TRIM52: variants seen among roughly 807,000 people sequenced by gnomAD.
The protein encoded by TRIM52 is tripartite motif containing 52, also known as E3 ubiquitin-protein ligase TRIM52.
A neutral mutation model predicts 27.0 loss-of-function variants in TRIM52; 24 were observed. The observed-to-expected ratio is 0.89, with a 90% CI of 0.64 to 1.25. The LOEUF (loss-of-function observed/expected upper bound fraction) is 1.25, where lower values mean the gene tolerates loss of function less well. Among genes scored for constraint, TRIM52 ranks in the 50% most tolerant of loss-of-function variants. The pLI, the probability that TRIM52 is intolerant of heterozygous loss-of-function variation, is 0.00. For synonymous variants in TRIM52, 125 were observed against 126.5 expected, an observed-to-expected ratio of 0.99 and a Z score of 0.08; for missense variants, 351 against 354.7, an observed-to-expected ratio of 0.99 and a Z score of 0.08.
intron 1 of TRIM52, chr5:181,257,354 T>A: frequency 6.6e-7 from 1 of 1,521,230 alleles, no homozygotes; most frequent in Non-Finnish European, 8.9e-7. Context: ...GAAATAGCTA[T>A]ATAAATGGAA....
In TRIM52 at chr5:181,260,773, A is replaced by ATGGGGTCTGCATG. The variant is rs745819445; in HGVS notation, c.40_41insCATGCAGACCCCA (p.Leu14ProfsTer41). 1.2e-6 allele frequency: 2 copies of ATGGGGTCTGCATG among 1,611,306 alleles called. No homozygotes were observed. Among genetic ancestry groups the ATGGGGTCTGCATG allele is most frequent in the South Asian group, 2.2e-5 (2 of 90,816 alleles). On this transcript the variant is annotated frameshift_variant, in exon 1 of 2. Coordinates refer to ENST00000688015, the MANE Select transcript of TRIM52 (RefSeq NM_001346048.2). LOFTEE classifies it high-confidence loss of function. This position sits in a 1 kb window ranked among gnomAD's most constrained non-coding sequence, Gnocchi z 4.4. ...GATGGCACACACCGCTTCCTCCTGA[A>ATGGGGTCTGCATG]GGGTCTGCATGGGGCTGGGAGTAGT...
rs1169374197 is a variant in TRIM52, at chr5:181,257,525, A to G, written c.814-666T>C. 4 of 1,572,558 alleles carry G rather than the reference A, an allele frequency of 2.5e-6. No homozygotes were observed. The Admixed American group carries it at 6.8e-5, about 27-fold the overall frequency. On this transcript the variant is annotated intron_variant, in intron 1 of 1. Transcript: ENST00000688015. ...TTATGAAAAATGAAGTTTTTTTAAC[A>G]TTGTAACAAAGTATATGAAAGATAA...
chr5:181,256,934 A>G (rs1215670116), intron 1 of TRIM52, 75 bp from the exon 2 acceptor site: 1 of 985,726 alleles, frequency 1.0e-6, no homozygotes, highest in African/African-American at 1.7e-5. Flanking sequence ...AGCTACCTCA[A>G]AGGAGATAAC....
intron 1 of TRIM52, chr5:181,257,276 CTTA>C: frequency 1.5e-6 from 2 of 1,298,126 alleles, no homozygotes; most frequent in Non-Finnish European, 2.0e-6. Context: ...AAAGCCTCTT[CTTA>C]CAGAAAATCA....
In TRIM52 at chr5:181,260,402, C is replaced by T; in HGVS notation, c.412G>A (p.Gly138Ser). 4 of 1,609,878 alleles carry T rather than the reference C, an allele frequency of 2.5e-6. No individual in the cohort carries two copies. The highest frequency in any genetic ancestry group is 3.4e-6 in the Non-Finnish European group (4 of 1,179,748). ...EEEDQDYYLG[G>S]LRPDLRIDVY... ...TCAATTCTCAGGTCAGGTCTCAAGC[C>T]TCCTAGGTAATAGTCCTGATCTTCC... Residue 138 changes from glycine to serine, a missense_variant, in exon 1 of 2, where the codon GGC becomes AGC. By Grantham distance (56) the Gly-to-Ser change is moderately conservative. Transcript: ENST00000688015. This position sits in a 1 kb window ranked among gnomAD's most constrained non-coding sequence, Gnocchi z 4.4.
At chr5:181,259,851 ATCTC>A (rs1197263758) in intron 1 of TRIM52, 146 bp downstream of exon 1, 1 of 1,515,508 alleles carries the variant, frequency 6.6e-7, no homozygotes, top group East Asian at 2.3e-5. Context: ...CCATATGACC[ATCTC>A]TCTCCACCGT....
downstream of TRIM52, among the ~76,000 whole-genome samples, chr5:181,251,614 C>T (rs1453051545): frequency 1.3e-5 from 2 of 152,314 alleles, no homozygotes; most frequent in African/African-American, 2.4e-5. Context: ...ATAGCAGGAA[C>T]CTTGCTGCAT....
chr5:181,249,383 C>T (rs958895240), downstream of TRIM52, among the ~76,000 whole-genome samples: 10 of 152,096 alleles, frequency 6.6e-5, no homozygotes, highest in African/African-American at 2.4e-4. Flanking sequence ...TAGAATTGGC[C>T]TCTGTATATA....
In TRIM52 at chr5:181,260,188, C is replaced by A. The variant is rs370667838; in HGVS notation, c.626G>T (p.Arg209Leu). 34 of 1,614,062 alleles carry A rather than the reference C, an allele frequency of 2.1e-5. No homozygotes were observed. Among genetic ancestry groups the A allele is most frequent in the Non-Finnish European group, 2.8e-5 (33 of 1,180,040 alleles). ...CCGATAAGGAGTGGGGCACATCTGG[C>A]GAATTATCTGGACCATGTTGGCCAG... The part of the protein sequence containing the change: ...LQLANMVQII[R>L]QMCPTPYRGN... Residue 209 changes from arginine to leucine, a missense_variant, in exon 1 of 2, where the codon CGC becomes CTC. Arg to Leu is a moderately radical substitution (Grantham distance 102). Coordinates refer to ENST00000688015, the MANE Select transcript of TRIM52 (RefSeq NM_001346048.2). This position sits in a 1 kb window ranked among gnomAD's most constrained non-coding sequence, Gnocchi z 4.4.
chr5:181,255,536 T>C lies in TRIM52; in HGVS notation c.*1273A>G, dbSNP rs1418745898. On this transcript the variant is annotated 3_prime_UTR_variant, in exon 2 of 2. Transcript: ENST00000688015. ...CTTTCCAAAAGCTACCACTGGTAGATTTTAAGAACAAGCTCAGGAGCACAT... is the reference window on the plus strand; with the variant it reads ...CTTTCCAAAAGCTACCACTGGTAGACTTTAAGAACAAGCTCAGGAGCACAT... 2.6e-5 allele frequency: 4 copies of C among 152,218 alleles called. No homozygotes were observed. Among genetic ancestry groups the C allele is most frequent in the African/African-American group, 2.4e-5 (1 of 41,456 alleles). 9.4% of individuals were successfully genotyped at this position (152,218 alleles called of 1,614,324 possible).
downstream of TRIM52, among the ~76,000 whole-genome samples, chr5:181,250,320 G>A (rs1759610061): frequency 6.6e-6 from 1 of 152,126 alleles, no homozygotes; most frequent in Admixed American, 6.6e-5. Context: ...TGGGTCACTT[G>A]AGGTCAGGAG....
chr5:181,251,290 CAA>C (rs5873729), downstream of TRIM52, among the ~76,000 whole-genome samples: 2 of 142,640 alleles, frequency 1.4e-5, no homozygotes, highest in African/African-American at 2.5e-5. Flanking sequence ...GGGCAAAACT[CAA>C]AAAAAAAAAG....
chr5:181,257,636 A>C, intron 1 of TRIM52: 3 of 552,200 alleles, frequency 5.4e-6, no homozygotes, highest in Non-Finnish European at 8.7e-6. Context: ...TAAAATTCTA[A>C]ATCATGCGAC....
chr5:181,261,029 C>T lies in TRIM52; in HGVS notation c.-216G>A. 1.6e-6 allele frequency: 1 copy of T among 621,998 alleles called. No individual in the cohort carries two copies. Among genetic ancestry groups the T allele is most frequent in the Non-Finnish European group, 2.7e-6 (1 of 374,252 alleles). The allele number at this position is 621,998 out of a possible 1,614,324, so 38.5% of individuals were successfully genotyped here. On this transcript the variant is annotated 5_prime_UTR_variant, in exon 1 of 2. Transcript: ENST00000688015. ...CTCTCTGGGATCGGTGGGGACAGAG[C>T]AGGCTGCAGCCCCCAGCTGCTCGGT... is the stretch of plus-strand genomic sequence containing the variant.
chr5:181,251,087 C>T (rs750793961), downstream of TRIM52, among the ~76,000 whole-genome samples: 3 of 151,880 alleles, frequency 2.0e-5, no homozygotes, highest in South Asian at 2.1e-4. Flanking sequence ...GTCAGGAGTT[C>T]GAGACCAGCC....
Position 181,255,175 on chromosome 5 carries a change from A to G in TRIM52, c.*1634T>C, listed in dbSNP as rs1285321597. Reference sequence around the variant, plus strand: ...TTTTAGAAGGAAAAAATTTATTCAGATGATGTGATAGCCATGTCACTGTTA... The same window carrying G: ...TTTTAGAAGGAAAAAATTTATTCAGGTGATGTGATAGCCATGTCACTGTTA... On this transcript the variant is annotated 3_prime_UTR_variant, in exon 2 of 2. Coordinates refer to ENST00000688015, the MANE Select transcript of TRIM52 (RefSeq NM_001346048.2). 2 of 152,226 alleles carry G rather than the reference A, an allele frequency of 1.3e-5. No individual in the cohort carries two copies. Among genetic ancestry groups the G allele is most frequent in the Non-Finnish European group, 2.9e-5 (2 of 68,044 alleles). 9.4% of individuals were successfully genotyped at this position (152,226 alleles called of 1,614,324 possible).
Position 181,259,966 on chromosome 5 carries a change from C to T in TRIM52, c.813+35G>A, listed in dbSNP as rs760545525. On this transcript the variant is annotated intron_variant, in intron 1 of 1. Transcript: ENST00000688015. ...CAGCTCTCCTAGTTACCTTTCCACT[C>T]CCTTCATCCCCCCACATTCCCTCAT... 8.1e-5 allele frequency: 130 copies of T among 1,612,630 alleles called. No individual in the cohort carries two copies. In the South Asian group the frequency reaches 1.4e-3, roughly 17 times the overall value.
At chr5:181,259,942 A>G in intron 1 of TRIM52, 59 bp downstream of exon 1, 3 of 1,611,306 alleles carry the variant, frequency 1.9e-6, no homozygotes, top group Non-Finnish European at 1.7e-6. Context: ...CTCATTCCTC[A>G]GCTCTCCTAG....
In TRIM52 at chr5:181,258,493, T is replaced by C. The variant is rs1251679827; in HGVS notation, c.813+1508A>G. The C allele has an allele frequency of 7.9e-5, 12 of 152,248 alleles. 1 individual carries two copies. The highest frequency in any genetic ancestry group is 1.6e-4 in the Non-Finnish European group (11 of 68,038). 9.4% of individuals were successfully genotyped at this position (152,248 alleles called of 1,614,324 possible). ...CATAAGTTTTTTCCATGGGATACTT[T>C]AGTTATCACCTTGGGTGAAAACATG... On this transcript the variant is annotated intron_variant, in intron 1 of 1. Transcript: ENST00000688015.
Sources: gnomAD v4.1 joint callset for allele counts (sites outside exome capture counted in the v4.1 genomes callset) on GRCh38, gnomAD v4.1.1 for gene constraint, Gnocchi (gnomAD v3.1) non-coding constraint, MANE v1.5 for transcripts, NCBI Gene and HGNC (gene_info 2026-07-23, HGNC 2026-07-21) for gene names.